The following ABHD2 variants were observed in gnomAD, a reference collection of about 807,000 sequenced individuals.
The protein encoded by ABHD2 is monoacylglycerol lipase ABHD2.
Under a neutral mutation model 48.1 loss-of-function variants are expected in ABHD2, and 20 were observed. That is an observed-to-expected ratio of 0.42 (90% CI 0.29 to 0.60). ABHD2 has a LOEUF of 0.60. Among genes scored for constraint, ABHD2 ranks in the 20% least tolerant of loss-of-function variants. ABHD2 has a pLI of 0.24. For synonymous variants in ABHD2, 209 were observed against 214.2 expected (o/e 0.98, Z 0.21); for missense variants, 405 against 550.9 (o/e 0.74, Z 2.65).
At chr15:89,044,141 A>C in the ABHD2 span, among the ~76,000 whole-genome samples, 1 of 152,106 alleles carries the variant, frequency 6.6e-6, no homozygotes, top group Non-Finnish European at 1.5e-5. Flanking sequence ...CCTATGAGTG[A>C]GAATATGCAG....
chr15:89,042,591 T>TCTTTC, the ABHD2 span, among the ~76,000 whole-genome samples: 3 of 25,240 alleles, frequency 1.2e-4, no homozygotes, highest in African/African-American at 4.7e-4. Context: ...TTCTTTCTTA[T>TCTTTC]TTATTTATTT....
chr15:89,136,665 G>A (rs1047706815), intron 3 of ABHD2, among the ~76,000 whole-genome samples: 15 of 152,210 alleles, frequency 9.9e-5, no homozygotes, highest in East Asian at 1.9e-4. Context: ...TCCAGCCAGC[G>A]CAGCTCCTAG....
At chr15:89,127,098 C>CTTGGGTACCT (rs1275111091) in intron 3 of ABHD2, among the ~76,000 whole-genome samples, 1 of 152,130 alleles carries the variant, frequency 6.6e-6, no homozygotes, top group African/African-American at 2.4e-5. Context: ...CTACCAAGTA[C>CTTGGGTACCT]CAAGGGCCGG....
intron 3 of ABHD2, among the ~76,000 whole-genome samples, chr15:89,132,292 T>C (rs1178304041): frequency 6.6e-6 from 1 of 152,184 alleles, no homozygotes; most frequent in African/African-American, 2.4e-5. Context: ...AGAATCGCTG[T>C]AAGGGACAAA....
intron 1 of ABHD2, among the ~76,000 whole-genome samples, chr15:89,113,093 C>A (rs192782149): frequency 1.8e-4 from 28 of 152,200 alleles, no homozygotes; most frequent in African/African-American, 6.5e-4. Context: ...CAGCTTCTTG[C>A]ACTAGGCTCA....
chr15:89,136,800 C>T (rs778826831), intron 3 of ABHD2, among the ~76,000 whole-genome samples: 7 of 152,236 alleles, frequency 4.6e-5, no homozygotes, highest in Non-Finnish European at 7.3e-5. Flanking sequence ...CTCTAATCTT[C>T]CCTCCCCATA....
At chr15:89,192,258 T>C (rs1291385447) in intron 9 of ABHD2, among the ~76,000 whole-genome samples, 1 of 152,204 alleles carries the variant, frequency 6.6e-6, no homozygotes, top group Non-Finnish European at 1.5e-5. Flanking sequence ...GATGTCGTCA[T>C]TTAAGCCATT....
rs940731620 is a variant in ABHD2, at chr15:89,198,427, A to G, written c.*3004A>G. 1 of 152,220 alleles carries G rather than the reference A, an allele frequency of 6.6e-6. No homozygotes were observed. Among genetic ancestry groups the G allele is most frequent in the Admixed American group, 6.5e-5 (1 of 15,282 alleles). 9.4% of individuals were successfully genotyped at this position (152,220 alleles called of 1,614,324 possible). On this transcript the variant is annotated 3_prime_UTR_variant, in exon 11 of 11. Transcript: ENST00000352732. The surrounding 1 kb of genome is among the most constrained non-coding windows in gnomAD (Gnocchi z 5.1). ...CTTTAATGTTTTTATGTTAGAAGTG[A>G]GTTTAACAGACTTGAAGAAAACTGT...
At position 89,173,736 on chromosome 15, in the gene ABHD2, A is replaced by T. The variant is rs2050966055; in HGVS notation, c.539-2076A>T. Among the ~76,000 whole-genome samples, 1 of 152,110 alleles carries T rather than the reference A, an allele frequency of 6.6e-6. No homozygotes were observed. Among genetic ancestry groups the T allele is most frequent in the Non-Finnish European group, 1.5e-5 (1 of 68,028 alleles). Reference sequence around the variant, plus strand: ...TTCAGAGGCCTTGTCATCAGAATCCACTCAATTCAGCAACTCTTTATTGAA... The same window carrying T: ...TTCAGAGGCCTTGTCATCAGAATCCTCTCAATTCAGCAACTCTTTATTGAA... On this transcript the variant is annotated intron_variant, in intron 5 of 10. Coordinates refer to ENST00000352732, the MANE Select transcript of ABHD2 (RefSeq NM_152924.5). The surrounding 1 kb of genome is among the most constrained non-coding windows in gnomAD (Gnocchi z 6.5).
At chr15:89,089,540 T>C (rs1266204667) in intron 1 of ABHD2, among the ~76,000 whole-genome samples, 2 of 152,238 alleles carry the variant, frequency 1.3e-5, no homozygotes, top group Non-Finnish European at 2.9e-5. Flanking sequence ...CTTTTTTGGT[T>C]GCTGGACCTC....
intron 3 of ABHD2, among the ~76,000 whole-genome samples, chr15:89,147,920 C>T (rs1453510444): frequency 5.3e-5 from 8 of 150,958 alleles, no homozygotes; most frequent in Admixed American, 5.3e-4. Context: ...AGTTCAAGAC[C>T]AGCCTGGCCA....
At chr15:89,045,502 T>G in the ABHD2 span, among the ~76,000 whole-genome samples, 1 of 152,238 alleles carries the variant, frequency 6.6e-6, no homozygotes, top group Non-Finnish European at 1.5e-5. Context: ...GTATGGCCAT[T>G]TTCACAATAT....
At chr15:89,165,663 G>A (rs1254641815) in intron 5 of ABHD2, among the ~76,000 whole-genome samples, 1 of 152,102 alleles carries the variant, frequency 6.6e-6, no homozygotes, top group Non-Finnish European at 1.5e-5. Context: ...ATGTGGGTGA[G>A]GTCAATAACA....
At chr15:89,122,592 G>T (rs4932472) in intron 3 of ABHD2, among the ~76,000 whole-genome samples, 49,364 of 152,058 alleles carry the variant, frequency 0.32, 8,664 homozygotes, top group Non-Finnish European at 0.4. Context: ...AAGATGGATT[G>T]CTTATGGTCT....
In ABHD2 at chr15:89,177,615, G is replaced by A. The variant is rs1006906740; in HGVS notation, c.722+1620G>A. Among the ~76,000 whole-genome samples, 1 of 152,110 alleles carries A rather than the reference G, an allele frequency of 6.6e-6. No homozygotes were observed. Among genetic ancestry groups the A allele is most frequent in the Non-Finnish European group, 1.5e-5 (1 of 68,024 alleles). Reference sequence around the variant, plus strand: ...CAGCTGCTCTCGCGTTCCAGGACCAGGCTAGTCCCCCATCTTCCTACCAGG... The same window carrying A: ...CAGCTGCTCTCGCGTTCCAGGACCAAGCTAGTCCCCCATCTTCCTACCAGG... On this transcript the variant is annotated intron_variant, in intron 6 of 10. Transcript: ENST00000352732. This position sits in a 1 kb window ranked among gnomAD's most constrained non-coding sequence, Gnocchi z 5.6.
chr15:89,051,127 G>C, the ABHD2 span, among the ~76,000 whole-genome samples: 1 of 152,164 alleles, frequency 6.6e-6, no homozygotes, highest in Non-Finnish European at 1.5e-5. Flanking sequence ...CAGCTACTCA[G>C]GAGGCTGAGG....
intron 1 of ABHD2, among the ~76,000 whole-genome samples, chr15:89,113,206 C>G (rs2049903378): frequency 6.6e-6 from 1 of 152,230 alleles, no homozygotes; most frequent in South Asian, 2.1e-4. Context: ...GCAATGCAAT[C>G]CCCTACCTTT....
the ABHD2 span, among the ~76,000 whole-genome samples, chr15:89,078,725 C>CTTTTTTTTTTTTTT: frequency 1.4e-5 from 2 of 143,678 alleles, no homozygotes; most frequent in African/African-American, 2.6e-5. Context: ...ACAATGTAGG[C>CTTTTTTTTTTTTTT]TTTTTTTTTT....
At chr15:89,140,737 C>CGA (rs1315811417) in intron 3 of ABHD2, among the ~76,000 whole-genome samples, 3 of 152,076 alleles carry the variant, frequency 2.0e-5, no homozygotes, top group African/African-American at 7.2e-5. Context: ...GTCTCTCCTG[C>CGA]GAGAGAGAGC....
Sources: gnomAD v4.1 joint callset for allele counts (sites outside exome capture counted in the v4.1 genomes callset) on GRCh38, gnomAD v4.1.1 for gene constraint, Gnocchi (gnomAD v3.1) non-coding constraint, MANE v1.5 for transcripts, NCBI Gene and HGNC (gene_info 2026-07-23, HGNC 2026-07-21) for gene names.